The following CELF4 variants were observed in gnomAD, a reference collection of about 807,000 sequenced individuals.
CELF4 encodes CUGBP Elav-like family member 4.
In CELF4, 18 loss-of-function variants were observed where a neutral mutation model predicts 59.9. The ratio of observed to expected loss-of-function variants is 0.30; its 90% CI spans 0.21 to 0.45. The LOEUF (loss-of-function observed/expected upper bound fraction) is 0.45. Among genes scored for constraint, CELF4 ranks in the 20% least tolerant of loss-of-function variants. The pLI is 1.00. For synonymous variants in CELF4, 261 were observed against 267.1 expected (o/e 0.98, Z 0.22); for missense variants, 456 against 689.0 (o/e 0.66, Z 3.79).
At chr18:37,328,812 A>T (rs984842025) in intron 2 of CELF4, among the ~76,000 whole-genome samples, 1 of 152,116 alleles carries the variant, frequency 6.6e-6, no homozygotes, top group Non-Finnish European at 1.5e-5. Flanking sequence ...GAATCAGCAG[A>T]CCCGCACGCT....
chr18:37,402,817 C>T (rs1332257220), intron 2 of CELF4, among the ~76,000 whole-genome samples: 1 of 152,198 alleles, frequency 6.6e-6, no homozygotes, highest in African/African-American at 2.4e-5. Context: ...GCCCTGTGCC[C>T]TTCCACAGCC....
At position 37,245,635 on chromosome 18, in the gene CELF4, C is replaced by T. The variant is rs1175392420; in HGVS notation, c.*45-438G>A. On this transcript the variant is annotated intron_variant, in intron 12 of 12. Coordinates refer to ENST00000420428, the MANE Select transcript of CELF4 (RefSeq NM_020180.4). This position sits in a 1 kb window ranked among gnomAD's most constrained non-coding sequence, Gnocchi z 4.1. ...AATCTAGCAGCCCAGCCCACTCCTCCCAGCTCAAGGGAAAGAAGGAAGACA... is the reference window on the plus strand; with the variant it reads ...AATCTAGCAGCCCAGCCCACTCCTCTCAGCTCAAGGGAAAGAAGGAAGACA... 3.3e-5 allele frequency among the ~76,000 whole-genome samples: 5 copies of T among 152,054 alleles called. No homozygotes were observed. The highest frequency in any genetic ancestry group is 3.3e-4 in the Admixed American group (5 of 15,250).
rs561464294 is a variant in CELF4 at position 37,243,186 on chromosome 18, C to CTTTTTTTTTTTTTTTT, written c.*2040_*2055dup. 6.0e-5 allele frequency: 6 copies of CTTTTTTTTTTTTTTTT among 100,562 alleles called. No individual in the cohort carries two copies. The highest frequency in any genetic ancestry group is 1.1e-4 in the Admixed American group (1 of 9,104). 6.2% of individuals were successfully genotyped at this position (100,562 alleles called of 1,614,324 possible). A position where few individuals can be genotyped will look rare whatever the true frequency, so the allele number is the denominator to read the frequency against. Reference sequence around the variant, plus strand: ...TGTTTTCTTTTTTTTTTCTTTTTTTCTTTTTTTTTTTTTTTTTTTTACATC... The same window carrying CTTTTTTTTTTTTTTTT: ...TGTTTTCTTTTTTTTTTCTTTTTTTCTTTTTTTTTTTTTTTTTTTTTTTTTTTTTTTTTTTTACATC... On this transcript the variant is annotated 3_prime_UTR_variant, in exon 13 of 13. Transcript: ENST00000420428.
chr18:37,366,910 G>T (rs1388804759), intron 2 of CELF4, among the ~76,000 whole-genome samples: 5 of 152,132 alleles, frequency 3.3e-5, no homozygotes, highest in African/African-American at 1.2e-4. Context: ...GCCCCATGGA[G>T]CTCCTCTTCT....
At chr18:37,446,403 G>A (rs566381976) in intron 2 of CELF4, among the ~76,000 whole-genome samples, 131 of 152,240 alleles carry the variant, frequency 8.6e-4, no homozygotes, top group Non-Finnish European at 6.3e-4. Context: ...GTGCTGTTGG[G>A]CTCCCTGTGT....
intron 1 of CELF4, among the ~76,000 whole-genome samples, chr18:37,511,186 C>A (rs115158570): frequency 0.019 from 2,820 of 152,246 alleles, 96 homozygotes; most frequent in African/African-American, 0.065. Context: ...GAAGCCGAAA[C>A]CTTGCATGTC....
At chr18:37,341,124 G>C (rs2098008289) in intron 2 of CELF4, among the ~76,000 whole-genome samples, 1 of 152,234 alleles carries the variant, frequency 6.6e-6, no homozygotes, top group Admixed American at 6.5e-5. Flanking sequence ...AGGAAGTGAG[G>C]TTTCAGGGCA....
intron 2 of CELF4, among the ~76,000 whole-genome samples, chr18:37,333,819 T>A (rs1299042893): frequency 6.6e-6 from 1 of 152,076 alleles, no homozygotes; most frequent in Non-Finnish European, 1.5e-5. Flanking sequence ...CATGCATCCA[T>A]CCATCCATCC....
chr18:37,502,914 G>C (rs1371232122), intron 1 of CELF4, among the ~76,000 whole-genome samples: 6 of 152,214 alleles, frequency 3.9e-5, no homozygotes, highest in African/African-American at 9.6e-5. Context: ...GGTCGGATCT[G>C]CTTTCCTTGC....
intron 6 of CELF4, chr18:37,273,999 G>T: frequency 8.3e-7 from 1 of 1,198,616 alleles, no homozygotes; most frequent in Non-Finnish European, 1.0e-6. Context: ...GTGCTTCCTG[G>T]GGTTCAACGT....
At chr18:37,276,834 T>C (rs755015598) in intron 3 of CELF4, among the ~76,000 whole-genome samples, 2 of 152,186 alleles carry the variant, frequency 1.3e-5, no homozygotes, top group Non-Finnish European at 2.9e-5. Flanking sequence ...ACTCGCTAGA[T>C]GTTTGTGGAT....
At position 37,511,118 on chromosome 18, in the gene CELF4, A is replaced by G. The variant is rs115675139; in HGVS notation, c.287-25511T>C. 2.5e-3 allele frequency among the ~76,000 whole-genome samples: 381 copies of G among 152,296 alleles called. 2 individuals are homozygous for G. Among genetic ancestry groups the G allele is most frequent in the African/African-American group, 8.9e-3 (369 of 41,568 alleles). ...GAATGATGAATAAATAAAGGGGAGG[A>G]TGGTCTCTTTCAGGACCTTTCACCA... On this transcript the variant is annotated intron_variant, in intron 1 of 12. Coordinates refer to ENST00000420428, the MANE Select transcript of CELF4 (RefSeq NM_020180.4).
intron 10 of CELF4, among the ~76,000 whole-genome samples, chr18:37,262,984 CT>C (rs752399830): frequency 2.4e-4 from 36 of 152,300 alleles, no homozygotes; most frequent in African/African-American, 8.2e-4. Flanking sequence ...CCTGATGCCC[CT>C]GATCTCAGAA....
Position 37,478,783 on chromosome 18 carries a change from A to G in CELF4, c.369+6742T>C, listed in dbSNP as rs185049870. Among the ~76,000 whole-genome samples, 89 of 152,336 alleles carry G rather than the reference A, an allele frequency of 5.8e-4. 1 individual carries two copies. The highest frequency in any genetic ancestry group is 2.7e-3 in the Admixed American group (42 of 15,312). On this transcript the variant is annotated intron_variant, in intron 2 of 12. Coordinates refer to ENST00000420428, the MANE Select transcript of CELF4 (RefSeq NM_020180.4). Reference sequence around the variant, plus strand: ...CATCTGTCCCTCAGTACCTGGATTTAAAGTGCTTTGGGCTTCTCTCTTGGA... The same window carrying G: ...CATCTGTCCCTCAGTACCTGGATTTGAAGTGCTTTGGGCTTCTCTCTTGGA...
intron 2 of CELF4, among the ~76,000 whole-genome samples, chr18:37,440,231 C>T (rs1603639392): frequency 6.6e-6 from 1 of 152,096 alleles, no homozygotes; most frequent in South Asian, 2.1e-4. Flanking sequence ...TGGGGGGCCT[C>T]GGTGAGGGGG....
chr18:37,279,707 G>A (rs561062487), intron 3 of CELF4, among the ~76,000 whole-genome samples: 3 of 152,322 alleles, frequency 2.0e-5, no homozygotes, highest in Admixed American at 6.5e-5. Flanking sequence ...AGGCCAGCAG[G>A]GCTGGCACAC....
intron 2 of CELF4, among the ~76,000 whole-genome samples, chr18:37,343,709 C>T (rs184885165): frequency 7.1e-4 from 108 of 152,202 alleles, no homozygotes; most frequent in African/African-American, 2.5e-3. Flanking sequence ...ATGCTGCATC[C>T]TCCTCCTTGC....
At chr18:37,357,173 G>C (rs2098604025) in intron 2 of CELF4, among the ~76,000 whole-genome samples, 1 of 152,236 alleles carries the variant, frequency 6.6e-6, no homozygotes, top group Admixed American at 6.5e-5. Context: ...GCTGAGGTTT[G>C]AGCTTGGAGC....
At chr18:37,423,814 C>A (rs954663066) in intron 2 of CELF4, among the ~76,000 whole-genome samples, 7 of 152,034 alleles carry the variant, frequency 4.6e-5, no homozygotes, top group African/African-American at 1.7e-4. Flanking sequence ...GGGAGATGCA[C>A]CATAGCTGAG....
Sources: gnomAD v4.1 joint callset for allele counts (sites outside exome capture counted in the v4.1 genomes callset) on GRCh38, gnomAD v4.1.1 for gene constraint, Gnocchi (gnomAD v3.1) non-coding constraint, MANE v1.5 for transcripts, NCBI Gene and HGNC (gene_info 2026-07-23, HGNC 2026-07-21) for gene names.